SMTNL2: variants seen among roughly 807,000 people sequenced by gnomAD.
SMTNL2 encodes the protein smoothelin-like protein 2.
In SMTNL2, 43 loss-of-function variants were observed where a neutral mutation model predicts 44.1. That is an observed-to-expected ratio of 0.98 (90% confidence interval 0.76 to 1.26). The LOEUF (loss-of-function observed/expected upper bound fraction) is 1.26, where lower values mean the gene tolerates loss of function less well. Among genes scored for constraint, SMTNL2 ranks in the 50% most tolerant of loss-of-function variants. The pLI is 0.00. For missense variants in SMTNL2, 646 were observed against 670.2 expected, an observed-to-expected ratio of 0.96 and a Z score of 0.40; for synonymous variants, 317 against 287.6, an observed-to-expected ratio of 1.10 and a Z score of -1.03.
In SMTNL2 at chr17:4,591,781, C is replaced by T. The variant is rs1909581386; in HGVS notation, c.400-580C>T. On this transcript the variant is annotated intron_variant, in intron 1 of 7. Coordinates refer to ENST00000389313, the MANE Select transcript of SMTNL2 (RefSeq NM_001114974.2). The stretch of plus-strand genomic sequence containing the variant: ...CCTTGGCTGTCTTGTCTGCCCCCAC[C>T]TGCCCCACCCACTACTACTGCCCAG... 2.0e-5 allele frequency among the ~76,000 whole-genome samples: 3 copies of T among 152,356 alleles called. No individual in the cohort carries two copies. In the South Asian group the frequency reaches 6.2e-4, roughly 32 times the overall value.
At chr17:4,606,629 G>T (rs1019383237) in intron 7 of SMTNL2, among the ~76,000 whole-genome samples, 9 of 151,820 alleles carry the variant, frequency 5.9e-5, no homozygotes, top group Non-Finnish European at 1.2e-4. Flanking sequence ...GCTGGGCCGG[G>T]CGTGGTGTCT....
Position 4,592,577 on chromosome 17 carries a change from A to C in SMTNL2, c.487+129A>C, listed in dbSNP as rs956360004. 29 of 839,580 alleles carry C rather than the reference A, an allele frequency of 3.5e-5. No homozygotes were observed. The highest frequency in any genetic ancestry group is 5.3e-5 in the Non-Finnish European group (29 of 548,722). The allele number at this position is 839,580 out of a possible 1,614,324, so 52.0% of individuals were successfully genotyped here. A position where few individuals can be genotyped will look rare whatever the true frequency, so the allele number is the denominator to read the frequency against. ...GACTCTATCCTGAACCCCAGCAGGG[A>C]GAGAGGCTGCCAGGAGAGCAGCGTC... On this transcript the variant is annotated intron_variant, in intron 2 of 7. Coordinates refer to ENST00000389313, the MANE Select transcript of SMTNL2 (RefSeq NM_001114974.2). This position sits in a 1 kb window ranked among gnomAD's most constrained non-coding sequence, Gnocchi z 4.5.
chr17:4,584,525 G>T (rs926622621), upstream of SMTNL2: 24 of 1,203,270 alleles, frequency 2.0e-5, no homozygotes, highest in African/African-American at 4.7e-5. Context: ...AGCCACGGAC[G>T]GCCAGTCGCG....
In SMTNL2 at chr17:4,600,897, A is replaced by T. The variant is rs1236656241; in HGVS notation, c.1259+3574A>T. On this transcript the variant is annotated intron_variant, in intron 7 of 7. Coordinates refer to ENST00000389313, the MANE Select transcript of SMTNL2 (RefSeq NM_001114974.2). The surrounding 1 kb of genome is among the most constrained non-coding windows in gnomAD (Gnocchi z 4.7). ...TGTAGTGCCCATGTGTCTCTGTCTA[A>T]AACCAGATAGGAGGCAGTAGTCCCA... Among the ~76,000 whole-genome samples the T allele has an allele frequency of 6.6e-6, 1 of 152,142 alleles. No individual in the cohort carries two copies. The highest frequency in any genetic ancestry group is 1.5e-5 in the Non-Finnish European group (1 of 68,012).
chr17:4,596,805 A>G, intron 5 of SMTNL2, 55 bp from the exon 6 acceptor site: 3 of 1,384,580 alleles, frequency 2.2e-6, no homozygotes, highest in Non-Finnish European at 1.9e-6. Flanking sequence ...CCAGACCCGC[A>G]CTGGGAGATG....
rs1225480600 is a variant in SMTNL2 at position 4,596,987 on chromosome 17, G to A, written c.1107+10G>A. ...GACGCTGGGCTACCAGGTGAGCCCCGGCTCCCCTCCGGCTGCTGGGACGCC... is the reference window on the plus strand; with the variant it reads ...GACGCTGGGCTACCAGGTGAGCCCCAGCTCCCCTCCGGCTGCTGGGACGCC... On this transcript the variant is annotated intron_variant, in intron 6 of 7. Transcript: ENST00000389313. The A allele has an allele frequency of 6.0e-6, 9 of 1,493,126 alleles. No individual in the cohort carries two copies. The highest frequency in any genetic ancestry group is 1.9e-4 in the Middle Eastern group (1 of 5,300). The allele number at this position is 1,493,126 out of a possible 1,614,324, so 92.5% of individuals were successfully genotyped here.
chr17:4,602,509 G>T (rs7214299), intron 7 of SMTNL2, among the ~76,000 whole-genome samples: 3,182 of 152,176 alleles, frequency 0.021, 124 homozygotes, highest in African/African-American at 0.073. Context: ...TTCTAGTAGA[G>T]ATGGGGTTTC....
rs778243560 is a variant in SMTNL2, at chr17:4,593,082, C to T, written c.641C>T (p.Ala214Val). ...SDRFSGETSA[A>V]ALSPMSAATL... ...AGGTTCTCTGGGGAGACCTCAGCTG[C>T]GGCTCTATCACCCATGTCTGCTGCC... The change falls in exon 3 of 8, where the codon GCG becomes GTG. Residue 214 changes from alanine to valine, a missense_variant. Physicochemically the swap from Ala to Val is moderately conservative, Grantham distance 64. Coordinates refer to ENST00000389313, the MANE Select transcript of SMTNL2 (RefSeq NM_001114974.2). 6.9e-5 allele frequency: 111 copies of T among 1,613,876 alleles called. No homozygotes were observed. The highest frequency in any genetic ancestry group is 8.6e-5 in the Non-Finnish European group (101 of 1,179,992).
chr17:4,599,401 G>A (rs759652046), intron 7 of SMTNL2, among the ~76,000 whole-genome samples: 2 of 152,136 alleles, frequency 1.3e-5, no homozygotes, highest in African/African-American at 2.4e-5. Context: ...AAGCCCAGAC[G>A]TGGCAACCGT....
intron 1 of SMTNL2, among the ~76,000 whole-genome samples, chr17:4,586,863 G>A (rs1185291691): frequency 1.3e-5 from 2 of 152,110 alleles, no homozygotes; most frequent in African/African-American, 4.8e-5. Context: ...GGGACTGCTG[G>A]GTCACAGATC....
chr17:4,601,946 T>C (rs1318974319), intron 7 of SMTNL2, among the ~76,000 whole-genome samples: 4 of 152,178 alleles, frequency 2.6e-5, no homozygotes, highest in Non-Finnish European at 5.9e-5. Flanking sequence ...ATGTCAATGC[T>C]GATCATCACT....
chr17:4,599,766 G>T (rs993878233), intron 7 of SMTNL2, among the ~76,000 whole-genome samples: 3 of 152,224 alleles, frequency 2.0e-5, no homozygotes, highest in Admixed American at 1.3e-4. Context: ...CACGAGGTTT[G>T]AGTTCAGGGA....
intron 1 of SMTNL2, among the ~76,000 whole-genome samples, chr17:4,591,698 A>G (rs556834281): frequency 5.4e-4 from 82 of 152,318 alleles, no homozygotes; most frequent in Non-Finnish European, 9.8e-4. Context: ...GATGTGGCCC[A>G]GGTCACATGG....
intron 7 of SMTNL2, among the ~76,000 whole-genome samples, chr17:4,605,217 A>G (rs1188780617): frequency 8.0e-6 from 1 of 125,360 alleles, no homozygotes; most frequent in East Asian, 2.5e-4. Context: ...GCTGGAGTGC[A>G]GTGGTGCAAT....
rs750393065 is a variant in SMTNL2, at chr17:4,592,336, CT to C, written c.400-24del. On this transcript the variant is annotated intron_variant, in intron 1 of 7. Coordinates refer to ENST00000389313, the MANE Select transcript of SMTNL2 (RefSeq NM_001114974.2). This position sits in a 1 kb window ranked among gnomAD's most constrained non-coding sequence, Gnocchi z 4.5. ...GGCAGCTGGCCCTAGCTGATGGGGTCTCGGTGACATTTGTGTCTCTGTAGAG... is the reference window on the plus strand; with the variant it reads ...GGCAGCTGGCCCTAGCTGATGGGGTCCGGTGACATTTGTGTCTCTGTAGAG... The C allele has an allele frequency of 6.2e-6, 10 of 1,611,322 alleles. No individual in the cohort carries two copies. In the African/African-American group the frequency reaches 8.0e-5, roughly 13 times the overall value.
rs1909982467 is a variant in SMTNL2, at chr17:4,600,427, AAGG to A, written c.1259+3109_1259+3111del. On this transcript the variant is annotated intron_variant, in intron 7 of 7. Transcript: ENST00000389313. This position sits in a 1 kb window ranked among gnomAD's most constrained non-coding sequence, Gnocchi z 4.7. ...CTGACAAGACAACTTCTGGAAGGGA[AAGG>A]AGGACACAGGTCCCCAAACCACGGG... Among the ~76,000 whole-genome samples the A allele has an allele frequency of 1.3e-5, 2 of 152,164 alleles. No homozygotes were observed. Among genetic ancestry groups the A allele is most frequent in the African/African-American group, 4.8e-5 (2 of 41,426 alleles).
In SMTNL2 at chr17:4,607,626, T is replaced by A; in HGVS notation, c.*139T>A. ...TTTGTTCTGTGGCATGTGACGGCAC[T>A]CCCCTTCGAGCCCAGCTGTGTTACT... is the stretch of plus-strand genomic sequence containing the variant. On this transcript the variant is annotated 3_prime_UTR_variant, in exon 8 of 8. Coordinates refer to ENST00000389313, the MANE Select transcript of SMTNL2 (RefSeq NM_001114974.2). This position sits in a 1 kb window ranked among gnomAD's most constrained non-coding sequence, Gnocchi z 4.7. 3 of 1,342,388 alleles carry A rather than the reference T, an allele frequency of 2.2e-6. No homozygotes were observed. The highest frequency in any genetic ancestry group is 3.0e-6 in the Non-Finnish European group (3 of 989,498). The allele number at this position is 1,342,388 out of a possible 1,614,324, so 83.2% of individuals were successfully genotyped here. A position where few individuals can be genotyped will look rare whatever the true frequency, so the allele number is the denominator to read the frequency against.
At chr17:4,603,593 G>C (rs1272671273) in intron 7 of SMTNL2, among the ~76,000 whole-genome samples, 1 of 152,032 alleles carries the variant, frequency 6.6e-6, no homozygotes, top group Admixed American at 6.6e-5. Flanking sequence ...TGTTTGGATG[G>C]TTGGAGGTCC....
chr17:4,607,594 C>CGG lies in SMTNL2; in HGVS notation c.*108_*109insGG. On this transcript the variant is annotated 3_prime_UTR_variant, in exon 8 of 8. Transcript: ENST00000389313. This position sits in a 1 kb window ranked among gnomAD's most constrained non-coding sequence, Gnocchi z 4.7. ...CAGGAGCCTTGCCGTTTGGTGTGAGCGCGCTGTTTGTTCTGTGGCATGTGA... is the reference window on the plus strand; with the variant it reads ...CAGGAGCCTTGCCGTTTGGTGTGAGCGGGCGCTGTTTGTTCTGTGGCATGTGA... 6.6e-7 allele frequency: 1 copy of CGG among 1,518,118 alleles called. No homozygotes were observed. Among genetic ancestry groups the CGG allele is most frequent in the Non-Finnish European group, 8.9e-7 (1 of 1,127,400 alleles). The allele number at this position is 1,518,118 out of a possible 1,614,324, so 94.0% of individuals were successfully genotyped here.
Sources: allele counts gnomAD v4.1 joint callset (sites outside exome capture counted in the v4.1 genomes callset), GRCh38; gene constraint gnomAD v4.1.1; non-coding constraint Gnocchi (gnomAD v3.1); transcripts MANE v1.5; gene names NCBI Gene and HGNC (gene_info 2026-07-23, HGNC 2026-07-21).